Variants in DMD observed in about 807,000 individuals in gnomAD.
DMD encodes dystrophin.
DMD carries 63 observed loss-of-function variants against 330.1 expected under a neutral mutation model. The observed-to-expected ratio is 0.19, with a 90% CI of 0.16 to 0.24. The LOEUF is 0.24. Ranked by LOEUF, DMD falls within the 10% of genes least tolerant of loss-of-function variation. DMD has a pLI of 1.00. For missense variants in DMD, 3,344 were observed against 2,684.1 expected (o/e 1.25, Z -5.43); for synonymous variants, 1,223 against 959.8 (o/e 1.27, Z -5.07).
chrX:32,240,923 C>T (rs1787473178), intron 43 of DMD, among the ~76,000 whole-genome samples: 1 of 111,328 alleles, frequency 9.0e-6, no homozygotes, highest in Non-Finnish European at 1.9e-5. Context: ...TTTCCAGCCC[C>T]TCTCGGGAAT....
chrX:31,526,989 A>C (rs1445896156), intron 55 of DMD, among the ~76,000 whole-genome samples: 1 of 111,106 alleles, frequency 9.0e-6, no homozygotes, highest in Non-Finnish European at 1.9e-5. Flanking sequence ...ACGTGCCTGT[A>C]GTCCCAGCCA....
chrX:32,674,353 T>C (rs1303180056), intron 9 of DMD, among the ~76,000 whole-genome samples: 1 of 111,581 alleles, frequency 9.0e-6, no homozygotes, highest in Non-Finnish European at 1.9e-5. Flanking sequence ...AATCACTGGA[T>C]AATGTTTTAT....
intron 21 of DMD, among the ~76,000 whole-genome samples, chrX:32,477,947 G>A (rs773519659): frequency 1.5e-4 from 17 of 111,690 alleles, no homozygotes; most frequent in Admixed American, 5.7e-4. Flanking sequence ...CATACAAAAA[G>A]AATGTAAAGC....
chrX:32,695,057 T>C (rs138239400), intron 9 of DMD, among the ~76,000 whole-genome samples: 5 of 112,621 alleles, frequency 4.4e-5, no homozygotes, highest in Non-Finnish European at 9.4e-5. Context: ...TGCATGTTTA[T>C]GTGTCACTTG....
chrX:33,210,894 C>T (rs916607136), intron 1 of DMD, among the ~76,000 whole-genome samples: 2 of 111,118 alleles, frequency 1.8e-5, no homozygotes, highest in African/African-American at 6.5e-5. Context: ...GGTCAGTAAC[C>T]TTTATGTAAC....
At chrX:32,586,448 T>C (rs2054298339) in intron 13 of DMD, among the ~76,000 whole-genome samples, 1 of 108,317 alleles carries the variant, frequency 9.2e-6, no homozygotes, top group Admixed American at 9.9e-5. Flanking sequence ...AATAAATAAA[T>C]ATATATGTTT....
chrX:31,230,424 G>A (rs1169376225), intron 63 of DMD, among the ~76,000 whole-genome samples: 2 of 110,839 alleles, frequency 1.8e-5, no homozygotes, highest in Non-Finnish European at 3.8e-5. Context: ...CGAGGCGGGC[G>A]GATCACGAGG....
intron 60 of DMD, among the ~76,000 whole-genome samples, chrX:31,368,973 G>T (rs1002333683): frequency 9.0e-6 from 1 of 111,339 alleles, no homozygotes; most frequent in African/African-American, 3.3e-5. Flanking sequence ...TCTGTGATGA[G>T]GTAACCCCTC....
At chrX:32,923,557 A>T (rs2088660919) in intron 2 of DMD, among the ~76,000 whole-genome samples, 1 of 106,383 alleles carries the variant, frequency 9.4e-6, no homozygotes, top group Admixed American at 1.0e-4. Flanking sequence ...GTGAGATCTT[A>T]AAAAAAAAAC....
intron 52 of DMD, among the ~76,000 whole-genome samples, chrX:31,712,255 C>T (rs780728397): frequency 1.8e-4 from 20 of 111,522 alleles, no homozygotes; most frequent in Non-Finnish European, 3.2e-4. Context: ...CACAATTGAG[C>T]ACTGCTGTGG....
At chrX:31,496,360 T>A (rs2069847547) in intron 57 of DMD, among the ~76,000 whole-genome samples, 1 of 112,292 alleles carries the variant, frequency 8.9e-6, no homozygotes, top group South Asian at 3.7e-4. Flanking sequence ...AAAGAGTGAA[T>A]CCTATCTTTT....
In DMD at chrX:31,247,119, C is replaced by G. The variant is rs756571514; in HGVS notation, c.9286+13836G>C. 3.6e-5 allele frequency among the ~76,000 whole-genome samples: 4 copies of G among 111,818 alleles called. No homozygotes were observed. The South Asian group carries it at 1.5e-3, about 42-fold the overall frequency. On this transcript the variant is annotated intron_variant, in intron 63 of 78. Transcript: ENST00000357033. ...TGCTCACTGACAATGCACCTTGTCACCCAAAAGCTTGGATGGAGATGTACA... is the reference window on the plus strand; with the variant it reads ...TGCTCACTGACAATGCACCTTGTCAGCCAAAAGCTTGGATGGAGATGTACA...
intron 2 of DMD, among the ~76,000 whole-genome samples, chrX:32,937,125 A>G (rs1429113043): frequency 2.7e-5 from 3 of 110,755 alleles, no homozygotes; most frequent in Non-Finnish European, 5.7e-5. Context: ...AGGAAATTCA[A>G]GAAGGGATGA....
chrX:33,242,466 CCA>C (rs1167006802), intron 1 of DMD, among the ~76,000 whole-genome samples: 1 of 112,035 alleles, frequency 8.9e-6, no homozygotes, highest in Non-Finnish European at 1.9e-5. Context: ...CACAGTTATA[CCA>C]CAGTTTCTCT....
At chrX:32,563,342 C>CAAAAAA (rs745316161) in intron 16 of DMD, among the ~76,000 whole-genome samples, 3 of 42,837 alleles carry the variant, frequency 7.0e-5, no homozygotes, top group Non-Finnish European at 1.2e-4. Flanking sequence ...GACTCCATCT[C>CAAAAAA]AAAAAAAAAA....
At chrX:32,463,881 A>C (rs2098392218) in intron 24 of DMD, among the ~76,000 whole-genome samples, 1 of 111,996 alleles carries the variant, frequency 8.9e-6, no homozygotes, top group African/African-American at 3.2e-5. Flanking sequence ...ATGTGTGAAA[A>C]TGATGGGCTT....
chrX:31,943,889 GAGAGAGA>G (rs1569519591), intron 45 of DMD, among the ~76,000 whole-genome samples: 10 of 60,106 alleles, frequency 1.7e-4, no homozygotes, highest in African/African-American at 6.7e-4. Flanking sequence ...GAGAGAGAGA[GAGAGAGA>G]GAGAGAGAGA....
intron 1 of DMD, among the ~76,000 whole-genome samples, chrX:33,103,715 C>T (rs889086280): frequency 4.5e-5 from 5 of 111,239 alleles, no homozygotes; most frequent in Admixed American, 3.9e-4. Context: ...CACACGGACG[C>T]GACTGAAATG....
intron 16 of DMD, among the ~76,000 whole-genome samples, chrX:32,546,887 C>A (rs987802837): frequency 9.0e-6 from 1 of 111,639 alleles, no homozygotes; most frequent in Non-Finnish European, 1.9e-5. Context: ...TTGCACCCAA[C>A]ACAAAATGAC....
Sources: gnomAD v4.1 joint callset for allele counts (sites outside exome capture counted in the v4.1 genomes callset) on GRCh38, gnomAD v4.1.1 for gene constraint, MANE v1.5 for transcripts, NCBI Gene and HGNC (gene_info 2026-07-23, HGNC 2026-07-21) for gene names.